TSPAN18: variants seen among roughly 807,000 people sequenced by gnomAD.
TSPAN18 encodes tetraspanin 18.
Under a neutral mutation model 27.3 loss-of-function variants are expected in TSPAN18, and 14 were observed. The ratio of observed to expected loss-of-function variants is 0.51; its 90% CI spans 0.34 to 0.80. The LOEUF is 0.80. Ranked by LOEUF, TSPAN18 falls within the 30% of genes least tolerant of loss-of-function variation. The pLI is 0.01. For synonymous variants in TSPAN18, 143 were observed against 136.5 expected (o/e 1.05, Z -0.33); for missense variants, 268 against 323.9 (o/e 0.83, Z 1.32).
At position 44,919,207 on chromosome 11, in the gene TSPAN18, C is replaced by T. The variant is rs1273226264; in HGVS notation, c.334-7C>T. 5 of 1,612,786 alleles carry T rather than the reference C, an allele frequency of 3.1e-6. No individual in the cohort carries two copies. The highest frequency in any genetic ancestry group is 1.3e-5 in the African/African-American group (1 of 75,036). ...GGCCTAAGCCCATCTTCTCCCTCTG[C>T]CCCCAGCTCACCCGAGAATTCTTCA... On this transcript the variant is annotated splice_polypyrimidine_tract_variant and splice_region_variant and intron_variant, in intron 6 of 9. Transcript: ENST00000520358.
intron 2 of TSPAN18, among the ~76,000 whole-genome samples, chr11:44,807,199 A>C (rs1856612064): frequency 1.2e-4 from 1 of 8,550 alleles, no homozygotes; most frequent in Non-Finnish European, 5.3e-4. Context: ...TCTTAAAAAA[A>C]AAAAAAAAAA....
intron 3 of TSPAN18, among the ~76,000 whole-genome samples, chr11:44,882,577 C>CAG (rs748710490): frequency 0.054 from 7,293 of 133,874 alleles, 229 homozygotes; most frequent in Non-Finnish European, 0.071. Context: ...AGGAAATGGT[C>CAG]AGAGAGAGAG....
At chr11:44,870,566 C>T (rs985146018) in intron 3 of TSPAN18, among the ~76,000 whole-genome samples, 2 of 152,190 alleles carry the variant, frequency 1.3e-5, no homozygotes, top group Admixed American at 1.3e-4. Context: ...CAGCAGCTCA[C>T]TACTTGCCAG....
At chr11:44,732,336 A>G (rs1207171499) in intron 1 of TSPAN18, among the ~76,000 whole-genome samples, 2 of 152,236 alleles carry the variant, frequency 1.3e-5, no homozygotes, top group East Asian at 3.8e-4. Flanking sequence ...GCCTACAAGG[A>G]TGGTTTGGAT....
chr11:44,843,625 AT>A (rs921032408), intron 2 of TSPAN18, among the ~76,000 whole-genome samples: 1 of 152,080 alleles, frequency 6.6e-6, no homozygotes, highest in African/African-American at 2.4e-5. Flanking sequence ...ACTGGAGTTT[AT>A]TTCGCCTCTG....
rs114603808 is a variant in TSPAN18 at position 44,754,518 on chromosome 11, C to T, written c.-239-9908C>T. On this transcript the variant is annotated intron_variant, in intron 1 of 9. Transcript: ENST00000520358. ...TGAGACAGTCTCTGTTCTTCTTGAA[C>T]CATGTGCCAAAGCACTGGCTGTGCT... Among the ~76,000 whole-genome samples the T allele has an allele frequency of 3.8e-3, 578 of 152,362 alleles. 4 individuals are homozygous for T. The highest frequency in any genetic ancestry group is 0.013 in the African/African-American group (557 of 41,586).
intron 3 of TSPAN18, among the ~76,000 whole-genome samples, chr11:44,872,941 T>C (rs991759585): frequency 1.3e-5 from 2 of 152,172 alleles, no homozygotes; most frequent in Non-Finnish European, 2.9e-5. Context: ...TGCTGAGTGT[T>C]CCGACAGGGC....
intron 2 of TSPAN18, among the ~76,000 whole-genome samples, chr11:44,796,474 C>G (rs958801255): frequency 1.3e-5 from 2 of 152,120 alleles, no homozygotes; most frequent in Non-Finnish European, 2.9e-5. Flanking sequence ...AGCTCAGGGT[C>G]GGTCATGGGG....
intron 3 of TSPAN18, among the ~76,000 whole-genome samples, chr11:44,881,342 C>G (rs189573206): frequency 1.9e-4 from 29 of 152,292 alleles, no homozygotes; most frequent in Admixed American, 9.8e-4. Context: ...CCCCAGACCC[C>G]TCGAACCTCA....
chr11:44,795,930 GA>G (rs1209038022), intron 2 of TSPAN18, among the ~76,000 whole-genome samples: 1 of 152,100 alleles, frequency 6.6e-6, no homozygotes, highest in East Asian at 1.9e-4. Flanking sequence ...GTAGCCTGCA[GA>G]CACAGCCTGT....
intron 9 of TSPAN18, 140 bp from the exon 10 acceptor site, chr11:44,928,991 C>A: frequency 1.8e-6 from 2 of 1,097,460 alleles, no homozygotes; most frequent in Non-Finnish European, 2.7e-6. Flanking sequence ...GGGCTGGCCC[C>A]AGGGGAATGT....
intron 2 of TSPAN18, among the ~76,000 whole-genome samples, chr11:44,783,571 G>A (rs1393050874): frequency 6.6e-6 from 1 of 151,876 alleles, no homozygotes; most frequent in African/African-American, 2.4e-5. Context: ...GCTAATTTTT[G>A]TATTTTTAGT....
chr11:44,919,373 C>A, intron 7 of TSPAN18, 61 bp downstream of exon 7: 1 of 1,385,238 alleles, frequency 7.2e-7, no homozygotes, highest in Non-Finnish European at 1.0e-6. Flanking sequence ...TGTTCACATG[C>A]CCACGCCAGG....
At chr11:44,791,797 C>T (rs200318437) in intron 2 of TSPAN18, among the ~76,000 whole-genome samples, 17 of 152,362 alleles carry the variant, frequency 1.1e-4, no homozygotes, top group Admixed American at 9.8e-4. Context: ...GGCTGTAGCA[C>T]TCAAGGCACC....
At chr11:44,775,958 C>T (rs1855796821) in intron 2 of TSPAN18, among the ~76,000 whole-genome samples, 1 of 152,178 alleles carries the variant, frequency 6.6e-6, no homozygotes, top group Admixed American at 6.5e-5. Context: ...TTTGATTCAA[C>T]CTCTGTTGTT....
At chr11:44,730,808 G>T (rs1172801107) in intron 1 of TSPAN18, among the ~76,000 whole-genome samples, 2 of 138,218 alleles carry the variant, frequency 1.4e-5, no homozygotes, top group African/African-American at 5.0e-5. Flanking sequence ...TGAATTTTTA[G>T]TAGAGACGGG....
intron 1 of TSPAN18, among the ~76,000 whole-genome samples, chr11:44,749,621 C>T (rs1231076402): frequency 2.0e-5 from 3 of 147,836 alleles, no homozygotes; most frequent in East Asian, 2.0e-4. Flanking sequence ...AGCCACAGAA[C>T]GTGGAACTTT....
At chr11:44,848,815 C>T (rs1857538437) in intron 2 of TSPAN18, among the ~76,000 whole-genome samples, 1 of 152,216 alleles carries the variant, frequency 6.6e-6, no homozygotes, top group Admixed American at 6.5e-5. Flanking sequence ...CAGCAGTGAG[C>T]TTTGCCTAGG....
chr11:44,729,591 C>A (rs185666586), intron 1 of TSPAN18, among the ~76,000 whole-genome samples: 2 of 152,286 alleles, frequency 1.3e-5, no homozygotes, highest in East Asian at 3.9e-4. Context: ...TCTCCCTTGT[C>A]CCCAAACCCA....
Sources: allele counts gnomAD v4.1 joint callset (sites outside exome capture counted in the v4.1 genomes callset), GRCh38; gene constraint gnomAD v4.1.1; transcripts MANE v1.5; gene names NCBI Gene and HGNC (gene_info 2026-07-23, HGNC 2026-07-21).